The following TGM3 variants were observed in gnomAD, a reference collection of about 807,000 sequenced individuals.
TGM3 encodes the protein transglutaminase 3.
Under a neutral mutation model 73.8 loss-of-function variants are expected in TGM3, and 52 were observed. The ratio of observed to expected loss-of-function variants is 0.70; its 90% CI spans 0.56 to 0.89. TGM3 has a LOEUF of 0.89. TGM3 is among the 40% of genes least tolerant of loss of function. The probability of loss-of-function intolerance (pLI) is 0.00; values close to 1 mark genes in which losing one functional copy is unlikely to be tolerated. For synonymous variants in TGM3, 372 were observed against 354.9 expected (o/e 1.05, Z -0.54); for missense variants, 928 against 909.9 (o/e 1.02, Z -0.26).
intron 11 of TGM3, 28 bp downstream of exon 11, chr20:2,335,301 G>A: frequency 6.2e-7 from 1 of 1,612,710 alleles, no homozygotes; most frequent in African/African-American, 1.3e-5. Context: ...CCTGTGGGAA[G>A]GGGTTCTGCC....
intron 1 of TGM3, among the ~76,000 whole-genome samples, chr20:2,300,094 G>C (rs182624664): frequency 8.9e-6 from 1 of 111,906 alleles, no homozygotes; most frequent in African/African-American, 2.8e-5. Context: ...GCAACAGAGA[G>C]AGACTCCATT....
chr20:2,339,729 G>A lies in TGM3; in HGVS notation c.1801-125G>A, dbSNP rs147058085. 5,974 of 1,336,714 alleles carry A rather than the reference G, an allele frequency of 4.5e-3. 26 individuals carry two copies. Among genetic ancestry groups the A allele is most frequent in the Non-Finnish European group, 5.5e-3 (5,349 of 970,808 alleles). 82.8% of individuals were successfully genotyped at this position (1,336,714 alleles called of 1,614,324 possible). ...GCCTGGCACCTAGGAGGGCTAAATG[G>A]TCTCCCCTTCTTCATCCTCAGTGAC... is the stretch of plus-strand genomic sequence containing the variant. On this transcript the variant is annotated intron_variant, in intron 11 of 12. Coordinates refer to ENST00000381458, the MANE Select transcript of TGM3 (RefSeq NM_003245.4).
rs6048066 is a variant in TGM3 at position 2,311,076 on chromosome 20, A to G, written c.487A>G (p.Ile163Val). The stretch of plus-strand genomic sequence containing the variant: ...GTATGTTCAGGAAGATGCCGGCATC[A>G]TCTTTGTGGGAAGCACAAACCGAAT... Reference protein sequence around the residue: ...EEYVQEDAGIIFVGSTNRIGM... With the variant: ...EEYVQEDAGIVFVGSTNRIGM... The change falls in exon 4 of 13, where the codon ATC becomes GTC. Residue 163 changes from isoleucine to valine, a missense_variant. Physicochemically the swap from Ile to Val is conservative, Grantham distance 29. Coordinates refer to ENST00000381458, the MANE Select transcript of TGM3 (RefSeq NM_003245.4). 5 of 1,614,058 alleles carry G rather than the reference A, an allele frequency of 3.1e-6. No homozygotes were observed. The highest frequency in any genetic ancestry group is 4.2e-6 in the Non-Finnish European group (5 of 1,180,022).
rs187614014 is a variant in TGM3 at position 2,335,235 on chromosome 20, C to T, written c.1762C>T (p.Arg588Trp). ...VPDESEVVVE[R>W]DIILDNPTLT... The stretch of plus-strand genomic sequence containing the variant: ...AGATGAGTCTGAGGTGGTGGTGGAG[C>T]GGGACATCATCCTGGACAACCCCAC... The change falls in exon 11 of 13, where the codon CGG becomes TGG. Residue 588 changes from arginine (R) to tryptophan (W), a missense_variant. Arg to Trp is a moderately radical substitution (Grantham distance 101). Transcript: ENST00000381458. 148 of 1,614,110 alleles carry T rather than the reference C, an allele frequency of 9.2e-5. No individual in the cohort carries two copies. Among genetic ancestry groups the T allele is most frequent in the South Asian group, 7.8e-4 (71 of 91,082 alleles).
At chr20:2,297,240 C>T (rs2084114171) in intron 1 of TGM3, among the ~76,000 whole-genome samples, 1 of 152,238 alleles carries the variant, frequency 6.6e-6, no homozygotes, top group Non-Finnish European at 1.5e-5. Flanking sequence ...AGTGCCCTTT[C>T]CACCATGTCC....
chr20:2,304,119 G>C (rs1278874571), intron 1 of TGM3, among the ~76,000 whole-genome samples: 2 of 152,136 alleles, frequency 1.3e-5, no homozygotes, highest in Non-Finnish European at 2.9e-5. Flanking sequence ...TATACAAAAA[G>C]CTGTAAACCT....
intron 10 of TGM3, among the ~76,000 whole-genome samples, chr20:2,333,260 A>C (rs126635): frequency 0.99 from 150,902 of 152,340 alleles, 74,743 homozygotes; most frequent in East Asian, 1. Flanking sequence ...TGTCAGAAAG[A>C]AGCATCCCCT....
chr20:2,310,312 G>C lies in TGM3; in HGVS notation c.316G>C (p.Ala106Pro). The C allele has an allele frequency of 6.2e-7, 1 of 1,614,214 alleles. No homozygotes were observed. The highest frequency in any genetic ancestry group is 1.1e-5 in the South Asian group (1 of 91,090). ...TATCAGCATCTCCAGTCCTGCCAGCGCACCCATAGGACGGTACACAATGGC... is the reference window on the plus strand; with the variant it reads ...TATCAGCATCTCCAGTCCTGCCAGCCCACCCATAGGACGGTACACAATGGC... ...LTISISSPAS[A>P]PIGRYTMALQ... The change falls in exon 3 of 13, where the codon GCA (alanine) becomes CCA (proline). Residue 106 changes from alanine (A) to proline (P), a missense_variant. Coordinates refer to ENST00000381458, the MANE Select transcript of TGM3 (RefSeq NM_003245.4).
intron 5 of TGM3, among the ~76,000 whole-genome samples, chr20:2,315,133 T>C (rs2084226530): frequency 6.6e-6 from 1 of 152,184 alleles, no homozygotes; most frequent in Admixed American, 6.5e-5. Context: ...GCTGAGTCTC[T>C]TTGGCCTAGG....
Position 2,310,268 on chromosome 20 carries a change from G to C in TGM3, c.272G>C (p.Ser91Thr), listed in dbSNP as rs1449955224. ...GGCTGGAGTGCGGTGCTTCAGGCCA[G>C]CAATGGCAATACTCTGACTATCAGC... ...SGGWSAVLQA[S>T]NGNTLTISIS... is the part of the protein sequence containing the mutation. Residue 91 changes from serine to threonine, a missense_variant, in exon 3 of 13, where the codon AGC becomes ACC. Physicochemically the swap from Ser to Thr is moderately conservative, Grantham distance 58. Coordinates refer to ENST00000381458, the MANE Select transcript of TGM3 (RefSeq NM_003245.4). 1 of 1,614,234 alleles carries C rather than the reference G, an allele frequency of 6.2e-7. No individual in the cohort carries two copies. Among genetic ancestry groups the C allele is most frequent in the East Asian group, 2.2e-5 (1 of 44,884 alleles).
chr20:2,309,677 A>G lies in TGM3; in HGVS notation c.28A>G (p.Asn10Asp), dbSNP rs1326232990. The stretch of plus-strand genomic sequence containing the variant: ...CACAGCTCTAGGAGTCCAGAGTATC[A>G]ACTGGCAGACGGCCTTCAACCGACA... MAALGVQSI[N>D]WQTAFNRQAH... Residue 10 changes from asparagine to aspartate, a missense_variant, in exon 2 of 13, where the codon AAC becomes GAC. Coordinates refer to ENST00000381458, the MANE Select transcript of TGM3 (RefSeq NM_003245.4). 1.3e-5 allele frequency: 21 copies of G among 1,613,964 alleles called. No homozygotes were observed. Among genetic ancestry groups the G allele is most frequent in the Non-Finnish European group, 1.7e-5 (20 of 1,180,020 alleles).
intron 7 of TGM3, among the ~76,000 whole-genome samples, chr20:2,318,417 C>T (rs2084246795): frequency 6.6e-6 from 1 of 152,064 alleles, no homozygotes; most frequent in Non-Finnish European, 1.5e-5. Flanking sequence ...ATGATAGATG[C>T]CACTGGAAGT....
intron 7 of TGM3, among the ~76,000 whole-genome samples, chr20:2,325,518 T>G (rs1242541301): frequency 6.6e-6 from 1 of 152,156 alleles, no homozygotes; most frequent in African/African-American, 2.4e-5. Context: ...TTCGTTCTGC[T>G]CCTTAGAAAG....
chr20:2,299,784 A>G (rs1047064177), intron 1 of TGM3, among the ~76,000 whole-genome samples: 1 of 152,222 alleles, frequency 6.6e-6, no homozygotes, highest in African/African-American at 2.4e-5. Context: ...GCTGCACATT[A>G]GAATCACCAG....
chr20:2,327,681 T>C (rs2084296051), intron 8 of TGM3, among the ~76,000 whole-genome samples: 2 of 152,064 alleles, frequency 1.3e-5, no homozygotes, highest in South Asian at 4.1e-4. Context: ...AGGGAAGAAA[T>C]GGTCAGGCTT....
At chr20:2,314,895 G>A (rs917167488) in intron 5 of TGM3, among the ~76,000 whole-genome samples, 1 of 152,116 alleles carries the variant, frequency 6.6e-6, no homozygotes, top group Non-Finnish European at 1.5e-5. Context: ...CTAGTTACTT[G>A]GTTAAAAATG....
chr20:2,313,003 G>T lies in TGM3; in HGVS notation c.646G>T (p.Val216Phe). 5 of 1,614,158 alleles carry T rather than the reference G, an allele frequency of 3.1e-6. No homozygotes were observed. The highest frequency in any genetic ancestry group is 4.2e-6 in the Non-Finnish European group (5 of 1,180,024). ...GGCCAGCAGAAATGACCCCAAATAC[G>T]TTGGCCGGGTGCTGAGTGCCATGGT... ...DVASRNDPKY[V>F]GRVLSAMINS... Residue 216 changes from valine (V) to phenylalanine (F), a missense_variant, in exon 5 of 13, where the codon GTT (valine) becomes TTT (phenylalanine). Coordinates refer to ENST00000381458, the MANE Select transcript of TGM3 (RefSeq NM_003245.4).
At chr20:2,339,778 C>T in intron 11 of TGM3, 76 bp from the exon 12 acceptor site, 1 of 1,595,612 alleles carries the variant, frequency 6.3e-7, no homozygotes, top group Non-Finnish European at 8.6e-7. Context: ...CTCAGTCACC[C>T]TGCCCAGCCC....
chr20:2,302,916 A>G (rs1241714848), intron 1 of TGM3, among the ~76,000 whole-genome samples: 1 of 152,176 alleles, frequency 6.6e-6, no homozygotes, highest in Non-Finnish European at 1.5e-5. Context: ...TGCATCCTCC[A>G]ACATGACCGA....
Sources: gnomAD v4.1 joint callset for allele counts (sites outside exome capture counted in the v4.1 genomes callset) on GRCh38, gnomAD v4.1.1 for gene constraint, MANE v1.5 for transcripts, NCBI Gene and HGNC (gene_info 2026-07-23, HGNC 2026-07-21) for gene names.